The following UNC119B variants were observed in gnomAD, a reference collection of about 807,000 sequenced individuals.
UNC119B encodes the protein unc-119 lipid binding chaperone B.
Under a neutral mutation model 23.4 loss-of-function variants are expected in UNC119B, and 16 were observed. The ratio of observed to expected loss-of-function variants is 0.68; its 90% CI spans 0.46 to 1.04. UNC119B has a LOEUF of 1.04. Ranked by LOEUF, UNC119B falls within the 50% of genes least tolerant of loss-of-function variation. UNC119B has a pLI of 0.00. For synonymous variants in UNC119B, 144 were observed against 145.4 expected (o/e 0.99, Z 0.07); for missense variants, 350 against 361.3 (o/e 0.97, Z 0.25).
chr12:120,716,779 G>A, intron 3 of UNC119B, 40 bp downstream of exon 3: 1 of 1,607,812 alleles, frequency 6.2e-7, no homozygotes, highest in Non-Finnish European at 8.5e-7. Flanking sequence ...CATTCTGTTT[G>A]TTCACAGAGA....
chr12:120,719,840 A>C, intron 4 of UNC119B, 80 bp from the exon 5 acceptor site: 2 of 990,116 alleles, frequency 2.0e-6, no homozygotes, highest in Admixed American at 3.8e-5. Context: ...AGGGGATGCA[A>C]AGTTTTCTCC....
chr12:120,710,556 A>G lies in UNC119B; in HGVS notation c.82A>G (p.Lys28Glu). 1 of 1,393,252 alleles carries G rather than the reference A, an allele frequency of 7.2e-7. No individual in the cohort carries two copies. Among genetic ancestry groups the G allele is most frequent in the Non-Finnish European group, 9.3e-7 (1 of 1,080,722 alleles). 86.3% of individuals were successfully genotyped at this position (1,393,252 alleles called of 1,614,324 possible). A position where few individuals can be genotyped will look rare whatever the true frequency, so the allele number is the denominator to read the frequency against. The change falls in exon 1 of 5, where the codon AAG becomes GAG. Residue 28 changes from lysine (K) to glutamate (E), a missense_variant. Lys to Glu is a moderately conservative substitution (Grantham distance 56, BLOSUM62 1). Transcript: ENST00000344651. ...GGLVAGKEEK[K>E]KAGGGVLNRL... ...GCTGGTGGCTGGCAAGGAGGAGAAG[A>G]AGAAGGCGGGCGGCGGCGTCCTGAA...
intron 1 of UNC119B, chr12:120,711,171 C>CGCCCTGGCCCCATGGCA (rs1882659461): frequency 6.5e-6 from 1 of 153,504 alleles, no homozygotes. Flanking sequence ...CTGCTTCCTC[C>CGCCCTGGCCCCATGGCA]GCCCTGGCCC....
At chr12:120,713,911 A>G (rs1164238437) in intron 2 of UNC119B, among the ~76,000 whole-genome samples, 1 of 152,156 alleles carries the variant, frequency 6.6e-6, no homozygotes, top group Non-Finnish European at 1.5e-5. Flanking sequence ...GAGTTCCCAG[A>G]CCTAGTTTGG....
At chr12:120,714,042 CCACAGAAGCCTTTGGAG>C (rs1882721080) in intron 2 of UNC119B, among the ~76,000 whole-genome samples, 2 of 152,332 alleles carry the variant, frequency 1.3e-5, no homozygotes, top group South Asian at 4.1e-4. Flanking sequence ...CTGATCTGGA[CCACAGAAGCCTTTGGAG>C]CACCTCACTG....
In UNC119B at chr12:120,720,100, G is replaced by A. The variant is rs1345384568; in HGVS notation, c.*68G>A. 7 of 1,236,444 alleles carry A rather than the reference G, an allele frequency of 5.7e-6. No homozygotes were observed. The highest frequency in any genetic ancestry group is 3.0e-5 in the African/African-American group (2 of 66,724). The allele number at this position is 1,236,444 out of a possible 1,614,324, so 76.6% of individuals were successfully genotyped here. A position where few individuals can be genotyped will look rare whatever the true frequency, so the allele number is the denominator to read the frequency against. ...AAGATCCTGGCACACGGAGATGATC[G>A]AAGCTGCAGTTTGTCAACACACATC... On this transcript the variant is annotated 3_prime_UTR_variant, in exon 5 of 5. Transcript: ENST00000344651.
rs372192283 is a variant in UNC119B, at chr12:120,722,840, C to G, written c.*2808C>G. ...AGTTTTGGGCTAAAGTAGGCTATGT[C>G]TCCTTATGTATTACTCAATACTGTT... On this transcript the variant is annotated 3_prime_UTR_variant, in exon 5 of 5. Transcript: ENST00000344651. 3.3e-5 allele frequency: 5 copies of G among 152,344 alleles called. No homozygotes were observed. The highest frequency in any genetic ancestry group is 1.2e-4 in the African/African-American group (5 of 41,582). The allele number at this position is 152,344 out of a possible 1,614,324, so 9.4% of individuals were successfully genotyped here. A position where few individuals can be genotyped will look rare whatever the true frequency, so the allele number is the denominator to read the frequency against.
chr12:120,715,210 A>C (rs1882751499), intron 2 of UNC119B, among the ~76,000 whole-genome samples: 1 of 152,142 alleles, frequency 6.6e-6, no homozygotes, highest in Non-Finnish European at 1.5e-5. Flanking sequence ...CAATAAATAT[A>C]AACAACAGAT....
In UNC119B at chr12:120,721,419, A is replaced by G. The variant is rs1308466623; in HGVS notation, c.*1387A>G. 1 of 152,294 alleles carries G rather than the reference A, an allele frequency of 6.6e-6. No homozygotes were observed. Among genetic ancestry groups the G allele is most frequent in the Non-Finnish European group, 1.5e-5 (1 of 68,092 alleles). The allele number at this position is 152,294 out of a possible 1,614,324, so 9.4% of individuals were successfully genotyped here. A position where few individuals can be genotyped will look rare whatever the true frequency, so the allele number is the denominator to read the frequency against. ...GGATGTCACTAGGAAAGGCCCAGGT[A>G]TCTGGTAAGTGACTGTGAGGTGTCA... is the stretch of plus-strand genomic sequence containing the variant. On this transcript the variant is annotated 3_prime_UTR_variant, in exon 5 of 5. Transcript: ENST00000344651.
At chr12:120,717,132 T>C in intron 4 of UNC119B, 90 bp downstream of exon 4, 1 of 1,346,262 alleles carries the variant, frequency 7.4e-7, no homozygotes, top group Non-Finnish European at 1.0e-6. Context: ...GCCCTGGCAT[T>C]GTCTCGTGGC....
chr12:120,719,950 C>T lies in UNC119B; in HGVS notation c.674C>T (p.Thr225Ile). 6.2e-7 allele frequency: 1 copy of T among 1,614,118 alleles called. No individual in the cohort carries two copies. Among genetic ancestry groups the T allele is most frequent in the Non-Finnish European group, 8.5e-7 (1 of 1,180,004 alleles). The change falls in exon 5 of 5, where the codon ACC becomes ATC. Residue 225 changes from threonine (T) to isoleucine (I), a missense_variant. By Grantham distance (89) the Thr-to-Ile change is moderately conservative (BLOSUM62 -1). Coordinates refer to ENST00000344651, the MANE Select transcript of UNC119B (RefSeq NM_001080533.3). ...IRLMIENPYE[T>I]RSDSFYFVDN... ...CTAATGATTGAAAATCCTTACGAGA[C>T]CCGCTCTGACAGCTTCTACTTTGTT...
chr12:120,710,686 A>G lies in UNC119B; in HGVS notation c.212A>G (p.Glu71Gly). Residue 71 changes from glutamate (E) to glycine (G), a missense_variant, in exon 1 of 5, where the codon GAG (glutamate) becomes GGG (glycine). Physicochemically the swap from Glu to Gly is moderately conservative, Grantham distance 98 (BLOSUM62 -2). Coordinates refer to ENST00000344651, the MANE Select transcript of UNC119B (RefSeq NM_001080533.3). ...CTGGCGCTGGACACCATCCGGCCCG[A>G]GCACGTCCTGCGCCTCAGCCGGGTC... is the stretch of plus-strand genomic sequence containing the variant. ...ELLALDTIRP[E>G]HVLRLSRVTE... 1 of 1,444,480 alleles carries G rather than the reference A, an allele frequency of 6.9e-7. No individual in the cohort carries two copies. Among genetic ancestry groups the G allele is most frequent in the Non-Finnish European group, 9.1e-7 (1 of 1,103,050 alleles). The allele number at this position is 1,444,480 out of a possible 1,614,324, so 89.5% of individuals were successfully genotyped here.
At chr12:120,716,446 T>TG (rs1453835590) in intron 2 of UNC119B, among the ~76,000 whole-genome samples, 182 bp from the exon 3 acceptor site, 2 of 152,196 alleles carry the variant, frequency 1.3e-5, no homozygotes, top group African/African-American at 2.4e-5. Flanking sequence ...GAAGGGTTGT[T>TG]GTAAGGAGTC....
At chr12:120,712,288 G>A (rs1489534076) in intron 1 of UNC119B, among the ~76,000 whole-genome samples, 1 of 152,220 alleles carries the variant, frequency 6.6e-6, no homozygotes, top group African/African-American at 2.4e-5. Flanking sequence ...GCCAATGTTA[G>A]CCTTTTTAGC....
intron 2 of UNC119B, among the ~76,000 whole-genome samples, chr12:120,714,564 TG>T (rs1339298792): frequency 6.6e-6 from 1 of 152,170 alleles, no homozygotes; most frequent in Non-Finnish European, 1.5e-5. Context: ...TTGATTCGCC[TG>T]CCTTGGTCTC....
intron 1 of UNC119B, among the ~76,000 whole-genome samples, chr12:120,712,516 G>A (rs997993250): frequency 2.0e-5 from 3 of 152,154 alleles, no homozygotes; most frequent in African/African-American, 7.2e-5. Context: ...TGGGCCTAAT[G>A]TCTTCACCGG....
rs965895434 is a variant in UNC119B at position 120,721,119 on chromosome 12, C to T, written c.*1087C>T. 2.0e-5 allele frequency: 3 copies of T among 152,178 alleles called. No homozygotes were observed. The highest frequency in any genetic ancestry group is 7.2e-5 in the African/African-American group (3 of 41,426). The allele number at this position is 152,178 out of a possible 1,614,324, so 9.4% of individuals were successfully genotyped here. The stretch of plus-strand genomic sequence containing the variant: ...TACATTTCTTGTTTAGGAGGGTTTT[C>T]CTATCTACCTTTCTACTGAAGTAGT... On this transcript the variant is annotated 3_prime_UTR_variant, in exon 5 of 5. Transcript: ENST00000344651.
intron 2 of UNC119B, among the ~76,000 whole-genome samples, chr12:120,713,757 T>A (rs1882716857): frequency 6.6e-6 from 1 of 152,184 alleles, no homozygotes; most frequent in Non-Finnish European, 1.5e-5. Flanking sequence ...TTGCCTCCAG[T>A]TGGGAAAGGA....
In UNC119B at chr12:120,722,320, G is replaced by A. The variant is rs1882928790; in HGVS notation, c.*2288G>A. ...AGGGCTTTGCTGCTTCTGAAAGTCT[G>A]GTGTTCTGTATCTGGGGCTGTGGGT... On this transcript the variant is annotated 3_prime_UTR_variant, in exon 5 of 5. Transcript: ENST00000344651. 1 of 152,488 alleles carries A rather than the reference G, an allele frequency of 6.6e-6. No individual in the cohort carries two copies. Among genetic ancestry groups the A allele is most frequent in the East Asian group, 1.9e-4 (1 of 5,198 alleles). 9.4% of individuals were successfully genotyped at this position (152,488 alleles called of 1,614,324 possible).
Sources: gnomAD v4.1 joint callset for allele counts (sites outside exome capture counted in the v4.1 genomes callset) on GRCh38, gnomAD v4.1.1 for gene constraint, MANE v1.5 for transcripts, NCBI Gene and HGNC (gene_info 2026-07-23, HGNC 2026-07-21) for gene names.